The following RBFOX3 variants were observed in gnomAD, a reference collection of about 807,000 sequenced individuals.
The protein encoded by RBFOX3 is RNA binding fox-1 homolog 3.
Under a neutral mutation model 48.7 loss-of-function variants are expected in RBFOX3, and 17 were observed. The ratio of observed to expected loss-of-function variants is 0.35; its 90% confidence interval spans 0.24 to 0.52. RBFOX3 has a LOEUF of 0.52. Among genes scored for constraint, RBFOX3 ranks in the 20% least tolerant of loss-of-function variants. The pLI is 0.94. For missense variants in RBFOX3, 382 were observed against 497.5 expected (o/e 0.77, Z 2.21); for synonymous variants, 212 against 209.5 (o/e 1.01, Z -0.10).
chr17:79,568,222 A>G (rs1423993833), intron 1 of RBFOX3, among the ~76,000 whole-genome samples: 3 of 152,176 alleles, frequency 2.0e-5, no homozygotes, highest in Non-Finnish European at 4.4e-5. Context: ...CCACTAAGCA[A>G]CACTATGCTG....
intron 3 of RBFOX3, among the ~76,000 whole-genome samples, chr17:79,290,011 G>A (rs979344685): frequency 7.9e-5 from 12 of 152,200 alleles, no homozygotes; most frequent in Admixed American, 2.6e-4. Context: ...TTCCCAGAGG[G>A]TTCAGACAGA....
At chr17:79,317,517 C>T (rs1180856476) in intron 2 of RBFOX3, among the ~76,000 whole-genome samples, 2 of 152,190 alleles carry the variant, frequency 1.3e-5, no homozygotes, top group Non-Finnish European at 2.9e-5. Flanking sequence ...GAGGGTTCTG[C>T]TGGCAATTGA....
the RBFOX3 span, among the ~76,000 whole-genome samples, chr17:79,653,859 A>G: frequency 6.7e-6 from 1 of 149,552 alleles, no homozygotes; most frequent in Non-Finnish European, 1.5e-5. Flanking sequence ...CCTAGGCAAC[A>G]TAGCAGGACC....
chr17:79,144,452 C>A (rs1490042273), intron 4 of RBFOX3, among the ~76,000 whole-genome samples: 4 of 152,224 alleles, frequency 2.6e-5, no homozygotes, highest in Non-Finnish European at 5.9e-5. Context: ...CTGCAGGCCT[C>A]ACTCAGAAGC....
intron 4 of RBFOX3, among the ~76,000 whole-genome samples, chr17:79,162,138 C>G (rs1425441734): frequency 6.6e-6 from 1 of 152,228 alleles, no homozygotes; most frequent in Non-Finnish European, 1.5e-5. Context: ...TCCCATTAAA[C>G]TAGCAGCACA....
chr17:79,605,424 C>T (rs949179574), intron 1 of RBFOX3, among the ~76,000 whole-genome samples: 271 of 152,288 alleles, frequency 1.8e-3, no homozygotes, highest in African/African-American at 6.1e-3. Flanking sequence ...CCACCTTCCT[C>T]GCCAGCTGGC....
chr17:79,242,927 G>T lies in RBFOX3; in HGVS notation c.-73-7122C>A, dbSNP rs2062600676. 6.6e-6 allele frequency among the ~76,000 whole-genome samples: 1 copy of T among 152,164 alleles called. No homozygotes were observed. Among genetic ancestry groups the T allele is most frequent in the Non-Finnish European group, 1.5e-5 (1 of 68,030 alleles). On this transcript the variant is annotated intron_variant, in intron 3 of 14. Transcript: ENST00000693108. The surrounding 1 kb of genome is among the most constrained non-coding windows in gnomAD (Gnocchi z 5.8). ...TCTAGGCCTTCAGCTGTGCTCCAGT[G>T]GGGCCTTACTCCTCCTCTGCCTGCG...
intron 3 of RBFOX3, among the ~76,000 whole-genome samples, chr17:79,256,476 A>G (rs1369156063): frequency 6.6e-6 from 1 of 152,262 alleles, no homozygotes; most frequent in Admixed American, 6.5e-5. Flanking sequence ...CTTTAATGAG[A>G]TAAGTACTTT....
chr17:79,369,739 C>A (rs538446734), intron 2 of RBFOX3, among the ~76,000 whole-genome samples: 1 of 152,288 alleles, frequency 6.6e-6, no homozygotes, highest in Admixed American at 6.5e-5. Flanking sequence ...TCCTGCAGCT[C>A]CTGGTGCCAC....
At chr17:79,148,430 C>T (rs1030743923) in intron 4 of RBFOX3, among the ~76,000 whole-genome samples, 5 of 152,180 alleles carry the variant, frequency 3.3e-5, no homozygotes, top group African/African-American at 9.7e-5. Context: ...GTGGAAGGGG[C>T]AGGGCTCATG....
At chr17:79,141,171 G>C (rs775463340) in intron 4 of RBFOX3, among the ~76,000 whole-genome samples, 2 of 152,226 alleles carry the variant, frequency 1.3e-5, no homozygotes, top group Admixed American at 6.5e-5. Context: ...CTGGACTGAT[G>C]AGCACTGTGG....
chr17:79,308,182 C>T (rs1258196846), intron 2 of RBFOX3, among the ~76,000 whole-genome samples: 1 of 152,024 alleles, frequency 6.6e-6, no homozygotes, highest in African/African-American at 2.4e-5. Flanking sequence ...TCGCCTGTCC[C>T]CAAGCCGGGC....
chr17:79,201,727 G>A (rs747974064), intron 4 of RBFOX3, among the ~76,000 whole-genome samples: 2 of 152,076 alleles, frequency 1.3e-5, no homozygotes, highest in Non-Finnish European at 2.9e-5. Context: ...CCCCATGCCC[G>A]CCCAGTGCCA....
At chr17:79,238,153 T>G (rs1209810984) in intron 3 of RBFOX3, among the ~76,000 whole-genome samples, 1 of 152,202 alleles carries the variant, frequency 6.6e-6, no homozygotes, top group African/African-American at 2.4e-5. Context: ...GTCAGGCTGG[T>G]CTTGAACACC....
chr17:79,358,272 G>T (rs948104052), intron 2 of RBFOX3, among the ~76,000 whole-genome samples: 2 of 151,878 alleles, frequency 1.3e-5, no homozygotes, highest in African/African-American at 4.8e-5. Context: ...CATCCCTCTG[G>T]GACCTAACAA....
At chr17:79,486,868 C>T (rs1014142819) in intron 1 of RBFOX3, among the ~76,000 whole-genome samples, 45 of 152,346 alleles carry the variant, frequency 3.0e-4, no homozygotes, top group African/African-American at 1.0e-3. Context: ...CTGGCTGCTT[C>T]AACCTGCTGC....
chr17:79,221,307 A>G (rs2606183), intron 4 of RBFOX3, among the ~76,000 whole-genome samples: 33,008 of 152,284 alleles, frequency 0.22, 4,970 homozygotes, highest in African/African-American at 0.43. Context: ...AATAGACAAA[A>G]GAGACTTCTT....
rs1013439427 is a variant in RBFOX3, at chr17:79,198,430, G to A, written c.-34+37336C>T. 2.0e-5 allele frequency among the ~76,000 whole-genome samples: 3 copies of A among 152,146 alleles called. No homozygotes were observed. The highest frequency in any genetic ancestry group is 4.4e-5 in the Non-Finnish European group (3 of 68,018). On this transcript the variant is annotated intron_variant, in intron 4 of 14. Coordinates refer to ENST00000693108, the MANE Select transcript of RBFOX3 (RefSeq NM_001350451.2). This position sits in a 1 kb window ranked among gnomAD's most constrained non-coding sequence, Gnocchi z 8.2. ...AGTGGAACGCTGGCATCTGTGTCCC[G>A]CCTGCCAGCTCATGGAGAAAGTTCA...
intron 2 of RBFOX3, among the ~76,000 whole-genome samples, chr17:79,373,325 A>G (rs4790022): frequency 0.43 from 65,629 of 151,896 alleles, 15,378 homozygotes; most frequent in Admixed American, 0.57. Context: ...TTTGGAGAAA[A>G]TGAAGCTCAG....
Sources: allele counts gnomAD v4.1 joint callset (sites outside exome capture counted in the v4.1 genomes callset), GRCh38; gene constraint gnomAD v4.1.1; non-coding constraint Gnocchi (gnomAD v3.1); transcripts MANE v1.5; gene names NCBI Gene and HGNC (gene_info 2026-07-23, HGNC 2026-07-21).